Variants in LUZP2 observed in about 807,000 individuals in gnomAD.
The protein encoded by LUZP2 is leucine zipper protein 2.
In LUZP2, 52 loss-of-function variants were observed where a neutral mutation model predicts 51.6. The ratio of observed to expected loss-of-function variants is 1.01; its 90% CI spans 0.81 to 1.27. The LOEUF (loss-of-function observed/expected upper bound fraction) is 1.27, where lower values mean the gene tolerates loss of function less well. LUZP2 is among the 50% of genes most tolerant of loss of function. The probability of loss-of-function intolerance (pLI) is 0.00; values close to 1 mark genes in which losing one functional copy is unlikely to be tolerated. For synonymous variants in LUZP2, 154 were observed against 137.3 expected (o/e 1.12, Z -0.85); for missense variants, 436 against 395.4 (o/e 1.10, Z -0.87).
rs369726019 is a variant in LUZP2, at chr11:24,729,234, G to C, written c.128G>C (p.Arg43Pro). The C allele has an allele frequency of 5.7e-6, 9 of 1,577,208 alleles. No homozygotes were observed. The highest frequency in any genetic ancestry group is 1.4e-5 in the African/African-American group (1 of 73,772). ...TTTAAGGAGCGAAGCACCATTCTTC[G>C]TCAGCTGACAAAGACATCAAGAGAA... ...EVFKERSTIL[R>P]QLTKTSRELD... is the part of the protein sequence containing the mutation. Residue 43 changes from arginine to proline, a missense_variant, in exon 2 of 12, where the codon CGT becomes CCT. Coordinates refer to ENST00000336930, the MANE Select transcript of LUZP2 (RefSeq NM_001009909.4).
At chr11:25,011,326 A>T (rs1477087070) in intron 9 of LUZP2, among the ~76,000 whole-genome samples, 2 of 152,192 alleles carry the variant, frequency 1.3e-5, no homozygotes, top group African/African-American at 4.8e-5. Flanking sequence ...TTGAGTAAAC[A>T]TATTCATTAT....
intron 5 of LUZP2, among the ~76,000 whole-genome samples, chr11:24,776,428 C>T (rs1476953514): frequency 6.6e-6 from 1 of 152,098 alleles, no homozygotes; most frequent in African/African-American, 2.4e-5. Flanking sequence ...GAAATTTACC[C>T]TACTCAAAAC....
At chr11:24,596,957 C>A (rs574525547) in intron 1 of LUZP2, among the ~76,000 whole-genome samples, 9 of 152,184 alleles carry the variant, frequency 5.9e-5, no homozygotes, top group African/African-American at 2.2e-4. Context: ...AGGTTATGTC[C>A]AGTTGGTCTA....
chr11:24,894,793 T>C (rs1309847315), intron 5 of LUZP2, among the ~76,000 whole-genome samples: 1 of 152,202 alleles, frequency 6.6e-6, no homozygotes. Flanking sequence ...TTATACCCTC[T>C]AGACTTTATG....
At chr11:25,073,906 T>A (rs1859229679) in intron 10 of LUZP2, among the ~76,000 whole-genome samples, 1 of 152,184 alleles carries the variant, frequency 6.6e-6, no homozygotes, top group African/African-American at 2.4e-5. Context: ...TTTCTAATTT[T>A]ACCCTTAAAT....
chr11:24,795,055 A>G (rs1368690056), intron 5 of LUZP2, among the ~76,000 whole-genome samples: 1 of 152,126 alleles, frequency 6.6e-6, no homozygotes, highest in Non-Finnish European at 1.5e-5. Flanking sequence ...TTAACTTCTT[A>G]ACCCATTTCA....
At chr11:24,792,604 G>A (rs1289951188) in intron 5 of LUZP2, among the ~76,000 whole-genome samples, 1 of 152,114 alleles carries the variant, frequency 6.6e-6, no homozygotes, top group African/African-American at 2.4e-5. Flanking sequence ...ATGTAATGAA[G>A]TTCATTGAAG....
At chr11:24,533,044 C>T (rs117445757) in intron 1 of LUZP2, among the ~76,000 whole-genome samples, 1 of 151,154 alleles carries the variant, frequency 6.6e-6, no homozygotes, top group Non-Finnish European at 1.5e-5. Flanking sequence ...CATCACCAGA[C>T]AGAAAAGACA....
chr11:24,980,830 C>T (rs1307830368), intron 8 of LUZP2, among the ~76,000 whole-genome samples: 1 of 151,546 alleles, frequency 6.6e-6, no homozygotes, highest in Non-Finnish European at 1.5e-5. Context: ...GCAGAGGAAG[C>T]AGCATTTGTA....
intron 5 of LUZP2, among the ~76,000 whole-genome samples, chr11:24,804,381 G>C (rs1486448279): frequency 6.6e-6 from 1 of 152,032 alleles, no homozygotes; most frequent in Non-Finnish European, 1.5e-5. Context: ...CAAAGTTCAT[G>C]GCAGCTACCC....
At chr11:24,545,475 C>G (rs999418186) in intron 1 of LUZP2, among the ~76,000 whole-genome samples, 3 of 150,880 alleles carry the variant, frequency 2.0e-5, no homozygotes, top group Non-Finnish European at 2.9e-5. Flanking sequence ...AAAAAGGGGT[C>G]CAGCTTCAAT....
In LUZP2 at chr11:24,576,616, C is replaced by T. The variant is rs116653122; in HGVS notation, c.62+79311C>T. On this transcript the variant is annotated intron_variant, in intron 1 of 11. Coordinates refer to ENST00000336930, the MANE Select transcript of LUZP2 (RefSeq NM_001009909.4). ...AGAAAAAACACGCGTACAGACAGTG[C>T]CGAATTGCCAATGCCAAACATTCTA... Among the ~76,000 whole-genome samples, 1,481 of 151,864 alleles carry T rather than the reference C, an allele frequency of 9.8e-3. 29 individuals are homozygous for T. The highest frequency in any genetic ancestry group is 0.034 in the African/African-American group (1,390 of 41,468).
At chr11:24,562,653 A>T (rs1852083203) in intron 1 of LUZP2, among the ~76,000 whole-genome samples, 2 of 151,134 alleles carry the variant, frequency 1.3e-5, no homozygotes, top group Admixed American at 1.3e-4. Context: ...GGAGAACGAG[A>T]CCATCCTGGC....
intron 7 of LUZP2, among the ~76,000 whole-genome samples, chr11:24,931,462 A>T (rs925195504): frequency 7.2e-5 from 11 of 152,080 alleles, no homozygotes; most frequent in African/African-American, 2.7e-4. Context: ...AGTATAGAGA[A>T]AGAAAAATAG....
chr11:24,522,987 ATCT>A (rs1223926311), intron 1 of LUZP2, among the ~76,000 whole-genome samples: 1 of 151,992 alleles, frequency 6.6e-6, no homozygotes, highest in Non-Finnish European at 1.5e-5. Context: ...TAATGTGAAA[ATCT>A]TCTCTTAAAT....
intron 1 of LUZP2, chr11:24,701,626 CAGA>C (rs1487145762): frequency 2.0e-5 from 3 of 152,554 alleles, no homozygotes; most frequent in Non-Finnish European, 2.9e-5. Context: ...TTGTACAGTC[CAGA>C]AGAAGATTTT....
intron 1 of LUZP2, among the ~76,000 whole-genome samples, chr11:24,574,194 CTTTCTCTTT>C: frequency 8.2e-6 from 1 of 121,988 alleles, no homozygotes; most frequent in African/African-American, 3.1e-5. Context: ...TTCTTTCTTT[CTTTCTCTTT>C]CTTCCTTCCT....
chr11:24,737,882 T>G (rs74810558), intron 3 of LUZP2, among the ~76,000 whole-genome samples: 1,985 of 152,234 alleles, frequency 0.013, 28 homozygotes, highest in Non-Finnish European at 0.021. Flanking sequence ...CATACCCCAG[T>G]ATGCTGTTAG....
At chr11:24,647,622 C>T (rs1397896658) in intron 1 of LUZP2, among the ~76,000 whole-genome samples, 2 of 151,876 alleles carry the variant, frequency 1.3e-5, no homozygotes, top group African/African-American at 4.8e-5. Context: ...AAATCAACAT[C>T]ACTTTGGGTA....
Sources: allele counts gnomAD v4.1 joint callset (sites outside exome capture counted in the v4.1 genomes callset), GRCh38; gene constraint gnomAD v4.1.1; transcripts MANE v1.5; gene names NCBI Gene and HGNC (gene_info 2026-07-23, HGNC 2026-07-21).